The following KCNAB2 variants were observed in gnomAD, a reference collection of about 807,000 sequenced individuals.
The protein encoded by KCNAB2 is potassium voltage-gated channel subfamily A regulatory beta subunit 2.
A neutral mutation model predicts 63.6 loss-of-function variants in KCNAB2; 29 were observed. The observed-to-expected ratio is 0.46, with a 90% CI of 0.34 to 0.62. KCNAB2 has a LOEUF of 0.62. KCNAB2 is among the 20% of genes least tolerant of loss of function. The probability of loss-of-function intolerance (pLI) is 0.01; values close to 1 mark genes in which losing one functional copy is unlikely to be tolerated. For missense variants in KCNAB2, 359 were observed against 563.9 expected (o/e 0.64, Z 3.68); for synonymous variants, 222 against 224.2 (o/e 0.99, Z 0.09).
At chr1:6,021,700 G>A (rs949745359) in intron 1 of KCNAB2, among the ~76,000 whole-genome samples, 5 of 151,840 alleles carry the variant, frequency 3.3e-5, no homozygotes, top group African/African-American at 4.8e-5. Context: ...GTATGGTTCA[G>A]TGGTACTGAG....
rs1398252304 is a variant in KCNAB2, at chr1:6,024,952, T to A, written c.-52-15565T>A. On this transcript the variant is annotated intron_variant, in intron 1 of 16. Transcript: ENST00000341524. This position sits in a 1 kb window ranked among gnomAD's most constrained non-coding sequence, Gnocchi z 5.4. ...TTCCCCATCTGTAAAAAGCATGTCA[T>A]AGTCAGGGTTGGGAGCAAGGCCCAG... Among the ~76,000 whole-genome samples, 2 of 152,200 alleles carry A rather than the reference T, an allele frequency of 1.3e-5. No homozygotes were observed. The highest frequency in any genetic ancestry group is 2.9e-5 in the Non-Finnish European group (2 of 68,032).
chr1:5,998,639 T>C (rs758724585), intron 1 of KCNAB2, among the ~76,000 whole-genome samples: 4 of 151,768 alleles, frequency 2.6e-5, no homozygotes, highest in Admixed American at 6.6e-5. Flanking sequence ...GAGAGGAAAA[T>C]AGAGGATGAG....
At position 6,003,945 on chromosome 1, in the gene KCNAB2, G is replaced by A. The variant is rs1411457259; in HGVS notation, c.-53+11157G>A. Among the ~76,000 whole-genome samples, 2 of 152,218 alleles carry A rather than the reference G, an allele frequency of 1.3e-5. No individual in the cohort carries two copies. The highest frequency in any genetic ancestry group is 4.8e-5 in the African/African-American group (2 of 41,456). ...TCAAATTGCTGCCGCAGCGCTGCCTGGCAAGATGTTAATCGTTCATGCCCT... is the reference window on the plus strand; with the variant it reads ...TCAAATTGCTGCCGCAGCGCTGCCTAGCAAGATGTTAATCGTTCATGCCCT... On this transcript the variant is annotated intron_variant, in intron 1 of 16. Coordinates refer to the KCNAB2 transcript ENST00000341524. This position sits in a 1 kb window ranked among gnomAD's most constrained non-coding sequence, Gnocchi z 4.1.
intron 5 of KCNAB2, 95 bp downstream of exon 5, chr1:6,082,369 C>A: frequency 1.1e-6 from 1 of 932,460 alleles, no homozygotes; most frequent in South Asian, 1.3e-5. Flanking sequence ...CAAGAGTGCT[C>A]ACAAATGCAC....
intron 15 of KCNAB2, chr1:6,098,081 A>C (rs1665798312): frequency 3.6e-6 from 3 of 842,136 alleles, no homozygotes; most frequent in Non-Finnish European, 4.3e-6. Flanking sequence ...TGTGGGGGTG[A>C]GAAGGCGAGG....
intron 1 of KCNAB2, among the ~76,000 whole-genome samples, chr1:6,049,234 G>T (rs1251129334): frequency 6.6e-6 from 1 of 152,218 alleles, no homozygotes; most frequent in Non-Finnish European, 1.5e-5. Flanking sequence ...CCTGGGCCTT[G>T]GTTGCTGTTC....
chr1:6,056,577 C>T (rs1661847864), intron 2 of KCNAB2, among the ~76,000 whole-genome samples: 1 of 152,190 alleles, frequency 6.6e-6, no homozygotes, highest in South Asian at 2.1e-4. Flanking sequence ...CACCAGCCCT[C>T]AGTTCAGCTG....
chr1:6,087,354 C>T lies in KCNAB2; in HGVS notation c.426-113C>T, dbSNP rs1664789004. The T allele has an allele frequency of 8.5e-7, 1 of 1,176,772 alleles. No homozygotes were observed. The highest frequency in any genetic ancestry group is 1.2e-5 in the South Asian group (1 of 81,298). The allele number at this position is 1,176,772 out of a possible 1,614,324, so 72.9% of individuals were successfully genotyped here. A position where few individuals can be genotyped will look rare whatever the true frequency, so the allele number is the denominator to read the frequency against. ...AGTGCCCATTTCATGCCCCAGGCTC[C>T]TGGGTGGGAGGGCTTTCAGGACCTC... is the stretch of plus-strand genomic sequence containing the variant. On this transcript the variant is annotated intron_variant, in intron 6 of 15. Coordinates refer to ENST00000378083, the MANE Select transcript of KCNAB2 (RefSeq NM_001199862.2). The surrounding 1 kb of genome is among the most constrained non-coding windows in gnomAD (Gnocchi z 6.4).
chr1:6,095,847 G>A (rs929252569), intron 13 of KCNAB2, among the ~76,000 whole-genome samples: 4 of 149,208 alleles, frequency 2.7e-5, no homozygotes, highest in African/African-American at 9.9e-5. Context: ...AGGCCCAAGT[G>A]GAGAGGCCCT....
intron 1 of KCNAB2, among the ~76,000 whole-genome samples, chr1:6,001,805 AG>A (rs1449758510): frequency 6.6e-6 from 1 of 152,170 alleles, no homozygotes; most frequent in Non-Finnish European, 1.5e-5. Flanking sequence ...CAGCGGCCTC[AG>A]AAAGCCCCTC....
intron 9 of KCNAB2, 34 bp downstream of exon 9, chr1:6,090,509 C>T: frequency 6.4e-7 from 1 of 1,556,108 alleles, no homozygotes; most frequent in Non-Finnish European, 8.8e-7. Flanking sequence ...CCGGTTAGGC[C>T]TGGGCGGGGT....
chr1:6,011,194 C>G (rs909755738), intron 1 of KCNAB2, among the ~76,000 whole-genome samples: 4 of 152,234 alleles, frequency 2.6e-5, no homozygotes, highest in African/African-American at 4.8e-5. Context: ...GGAGCTGCCA[C>G]GTGCACAGGA....
chr1:6,080,965 C>T (rs889856470), intron 4 of KCNAB2, among the ~76,000 whole-genome samples: 3 of 152,164 alleles, frequency 2.0e-5, no homozygotes, highest in East Asian at 1.9e-4. Context: ...TGCTCTGAGC[C>T]GCACCTGGGG....
intron 9 of KCNAB2, among the ~76,000 whole-genome samples, chr1:6,090,996 C>T (rs970189021): frequency 5.3e-5 from 8 of 152,206 alleles, no homozygotes; most frequent in East Asian, 1.9e-4. Context: ...CAGCCCCCTC[C>T]GCTCCCCCAT....
rs1054656270 is a variant in KCNAB2, at chr1:6,073,628, C to T, written c.263-105C>T. ...CTGGCCACAGAGCAGCACAGAGGGA[C>T]ACCTGTGGCTGCCCCCTGTGCCCTA... On this transcript the variant is annotated intron_variant, in intron 3 of 15. Coordinates refer to ENST00000378083, the MANE Select transcript of KCNAB2 (RefSeq NM_001199862.2). The surrounding 1 kb of genome is among the most constrained non-coding windows in gnomAD (Gnocchi z 5.7). 3.6e-5 allele frequency: 36 copies of T among 1,013,930 alleles called. No individual in the cohort carries two copies. The African/African-American group carries it at 4.7e-4, about 13-fold the overall frequency. 62.8% of individuals were successfully genotyped at this position (1,013,930 alleles called of 1,614,324 possible).
At chr1:6,017,986 G>A (rs896436680) in intron 1 of KCNAB2, among the ~76,000 whole-genome samples, 2 of 152,170 alleles carry the variant, frequency 1.3e-5, no homozygotes, top group Non-Finnish European at 2.9e-5. Context: ...GATCATAGGC[G>A]ACTGCAGCCT....
chr1:6,052,998 G>A (rs533228349), intron 2 of KCNAB2, among the ~76,000 whole-genome samples: 1 of 152,184 alleles, frequency 6.6e-6, no homozygotes, highest in East Asian at 1.9e-4. Flanking sequence ...GGCCAGGACC[G>A]CTCCTTTAAC....
intron 2 of KCNAB2, 89 bp from the exon 3 acceptor site, chr1:6,072,666 T>A: frequency 7.3e-7 from 1 of 1,366,686 alleles, no homozygotes; most frequent in South Asian, 1.2e-5. Context: ...GTTGGGGGAG[T>A]GGGTGGGGGG....
chr1:6,045,654 G>A (rs1398304419), upstream of KCNAB2, among the ~76,000 whole-genome samples: 1 of 152,174 alleles, frequency 6.6e-6, no homozygotes, highest in Non-Finnish European at 1.5e-5. The surrounding 1 kb of genome is among the most constrained non-coding windows in gnomAD (Gnocchi z 4.8). Flanking sequence ...CCCATACGAC[G>A]GGGCCCCCAG....
Sources: allele counts gnomAD v4.1 joint callset (sites outside exome capture counted in the v4.1 genomes callset), GRCh38; gene constraint gnomAD v4.1.1; non-coding constraint Gnocchi (gnomAD v3.1); transcripts MANE v1.5; gene names NCBI Gene and HGNC (gene_info 2026-07-23, HGNC 2026-07-21).